RNF180: variants seen among roughly 807,000 people sequenced by gnomAD.
The protein encoded by RNF180 is E3 ubiquitin-protein ligase RNF180.
RNF180 carries 38 observed loss-of-function variants against 59.2 expected under a neutral mutation model. The ratio of observed to expected loss-of-function variants is 0.64; its 90% CI spans 0.50 to 0.84. The LOEUF is 0.84. RNF180 is among the 40% of genes least tolerant of loss of function. RNF180 has a pLI of 0.00. For synonymous variants in RNF180, 262 were observed against 240.3 expected (o/e 1.09, Z -0.84); for missense variants, 705 against 700.9 (o/e 1.01, Z -0.07).
At chr5:64,245,016 A>C (rs903861320) in intron 5 of RNF180, among the ~76,000 whole-genome samples, 1 of 152,236 alleles carries the variant, frequency 6.6e-6, no homozygotes, top group African/African-American at 2.4e-5. Flanking sequence ...GAGAAATAAA[A>C]TCCTTTACAG....
At chr5:64,258,325 C>G (rs1744109018) in intron 5 of RNF180, among the ~76,000 whole-genome samples, 1 of 152,122 alleles carries the variant, frequency 6.6e-6, no homozygotes, top group African/African-American at 2.4e-5. Context: ...GTTTTGAATT[C>G]AGTCTGGCAG....
At chr5:64,314,189 G>A (rs1402032337) in intron 5 of RNF180, among the ~76,000 whole-genome samples, 1 of 152,020 alleles carries the variant, frequency 6.6e-6, no homozygotes, top group African/African-American at 2.4e-5. Flanking sequence ...TGGTGTCTTA[G>A]CACTCAAAAA....
chr5:64,192,903 G>GTGTATGTATATA (rs1486448173), intron 1 of RNF180, among the ~76,000 whole-genome samples: 2 of 93,868 alleles, frequency 2.1e-5, no homozygotes, highest in African/African-American at 8.3e-5. Context: ...AGTGTGGCAT[G>GTGTATGTATATA]TATATATATA....
intron 5 of RNF180, among the ~76,000 whole-genome samples, chr5:64,319,876 T>G (rs1196401077): frequency 6.6e-6 from 1 of 152,218 alleles, no homozygotes; most frequent in African/African-American, 2.4e-5. Context: ...ATTTGGCAGG[T>G]GCCATAAGAT....
chr5:64,249,190 T>C (rs1743397302), intron 5 of RNF180, among the ~76,000 whole-genome samples: 1 of 152,120 alleles, frequency 6.6e-6, no homozygotes, highest in Non-Finnish European at 1.5e-5. Context: ...GACCGTGGCA[T>C]GTGTATAGCT....
intron 7 of RNF180, among the ~76,000 whole-genome samples, chr5:64,346,020 T>C (rs530840602): frequency 6.6e-6 from 1 of 152,140 alleles, no homozygotes; most frequent in Admixed American, 6.6e-5. Context: ...TTTGAATTTC[T>C]CAGATTAATT....
chr5:64,325,543 G>C lies in RNF180; in HGVS notation c.1453+132G>C, dbSNP rs747067611. ...TTGTTATTCTCCAGTTTATAAAACAGTACTTACCCAACTCATAAAACTGTT... is the reference window on the plus strand; with the variant it reads ...TTGTTATTCTCCAGTTTATAAAACACTACTTACCCAACTCATAAAACTGTT... On this transcript the variant is annotated intron_variant, in intron 6 of 7. Transcript: ENST00000389100. 77 of 680,662 alleles carry C rather than the reference G, an allele frequency of 1.1e-4. 1 individual carries two copies. The highest frequency in any genetic ancestry group is 9.2e-4 in the African/African-American group (51 of 55,416). The allele number at this position is 680,662 out of a possible 1,614,324, so 42.2% of individuals were successfully genotyped here. A position where few individuals can be genotyped will look rare whatever the true frequency, so the allele number is the denominator to read the frequency against.
At chr5:64,272,736 A>G (rs186907150) in intron 5 of RNF180, among the ~76,000 whole-genome samples, 1 of 152,144 alleles carries the variant, frequency 6.6e-6, no homozygotes, top group Non-Finnish European at 1.5e-5. Context: ...TTCAGAGACT[A>G]GGATGAAAAG....
rs1372735569 is a variant in RNF180 at position 64,267,013 on chromosome 5, A to G, written c.1227+49617A>G. 3.9e-5 allele frequency among the ~76,000 whole-genome samples: 6 copies of G among 152,234 alleles called. No homozygotes were observed. The East Asian group carries it at 9.7e-4, about 24-fold the overall frequency. On this transcript the variant is annotated intron_variant, in intron 5 of 7. Coordinates refer to ENST00000389100, the MANE Select transcript of RNF180 (RefSeq NM_001113561.2). ...ATTTTCATATTTTTGCTGAAGAAAT[A>G]TTAGTATGTTTAATTTTAGGATGCT...
At chr5:64,291,416 CTTTTTTTTTT>C (rs1207692101) in intron 5 of RNF180, among the ~76,000 whole-genome samples, 1 of 71,794 alleles carries the variant, frequency 1.4e-5, no homozygotes, top group African/African-American at 6.3e-5. Flanking sequence ...AGTATGTTTT[CTTTTTTTTTT>C]TTTTTTTTTT....
intron 5 of RNF180, among the ~76,000 whole-genome samples, chr5:64,225,628 G>T (rs905673982): frequency 1.4e-5 from 2 of 143,436 alleles, no homozygotes; most frequent in Admixed American, 7.0e-5. Flanking sequence ...GAGCGTCTCT[G>T]CCCGGCCGCC....
At chr5:64,303,715 C>G (rs910931922) in intron 5 of RNF180, among the ~76,000 whole-genome samples, 3 of 151,584 alleles carry the variant, frequency 2.0e-5, no homozygotes, top group African/African-American at 7.3e-5. Flanking sequence ...GAAGCTGTCT[C>G]TATAACAAAA....
At chr5:64,273,698 G>C (rs904039736) in intron 5 of RNF180, among the ~76,000 whole-genome samples, 1 of 152,014 alleles carries the variant, frequency 6.6e-6, no homozygotes. Flanking sequence ...AAAAAGTACA[G>C]GCAATTCATT....
intron 7 of RNF180, among the ~76,000 whole-genome samples, chr5:64,334,180 C>T (rs1219445997): frequency 2.0e-5 from 3 of 152,158 alleles, no homozygotes; most frequent in African/African-American, 7.2e-5. Flanking sequence ...AGTAGGAAAG[C>T]AATGGGCACT....
chr5:64,198,889 C>T (rs1751588409), intron 1 of RNF180, among the ~76,000 whole-genome samples: 1 of 152,076 alleles, frequency 6.6e-6, no homozygotes, highest in African/African-American at 2.4e-5. Flanking sequence ...GATCTCGGCC[C>T]ACTGCCACCT....
chr5:64,273,951 T>A (rs982849110), intron 5 of RNF180, among the ~76,000 whole-genome samples: 7 of 151,978 alleles, frequency 4.6e-5, no homozygotes, highest in African/African-American at 1.4e-4. Context: ...GATTTGACAC[T>A]AGAGTTGAGA....
chr5:64,258,329 C>G (rs984724803), intron 5 of RNF180, among the ~76,000 whole-genome samples: 2 of 152,088 alleles, frequency 1.3e-5, no homozygotes, highest in African/African-American at 2.4e-5. Context: ...TGAATTCAGT[C>G]TGGCAGAAGT....
rs1750062306 is a variant in RNF180, at chr5:64,173,599, A to G, written c.-1+7646A>G. ...TGTACGTAACTGCAAGTTCGTACCT[A>G]TTGACCAATCTCTCTCCCTCCTCCT... On this transcript the variant is annotated intron_variant, in intron 1 of 7. Transcript: ENST00000389100. 2.0e-5 allele frequency among the ~76,000 whole-genome samples: 3 copies of G among 151,854 alleles called. No individual in the cohort carries two copies. In the East Asian group the frequency reaches 5.8e-4, roughly 29 times the overall value.
At chr5:64,305,427 C>A (rs1743391317) in intron 5 of RNF180, among the ~76,000 whole-genome samples, 1 of 150,960 alleles carries the variant, frequency 6.6e-6, no homozygotes, top group Non-Finnish European at 1.5e-5. Context: ...TTATCTTTTT[C>A]TTGTTGTACC....
Sources: allele counts gnomAD v4.1 joint callset (sites outside exome capture counted in the v4.1 genomes callset), GRCh38; gene constraint gnomAD v4.1.1; transcripts MANE v1.5; gene names NCBI Gene and HGNC (gene_info 2026-07-23, HGNC 2026-07-21).